CCDC158: variants seen among roughly 807,000 people sequenced by gnomAD.
The protein encoded by CCDC158 is coiled-coil domain containing 158.
In CCDC158, 116 loss-of-function variants were observed where a neutral mutation model predicts 138.6. The ratio of observed to expected loss-of-function variants is 0.84; its 90% CI spans 0.72 to 0.98. The LOEUF (loss-of-function observed/expected upper bound fraction) is 0.98. Ranked by LOEUF, CCDC158 falls within the 50% of genes least tolerant of loss-of-function variation. The pLI is 0.00. For synonymous variants in CCDC158, 436 were observed against 442.4 expected, an observed-to-expected ratio of 0.99 and a Z score of 0.18; for missense variants, 1,265 against 1,306.1, an observed-to-expected ratio of 0.97 and a Z score of 0.48.
intron 1 of CCDC158, among the ~76,000 whole-genome samples, chr4:76,420,061 A>G (rs1389226672): frequency 2.0e-5 from 3 of 151,646 alleles, no homozygotes; most frequent in Non-Finnish European, 4.4e-5. Flanking sequence ...ACTCTATGGC[A>G]TGGAAACCAT....
At position 76,367,550 on chromosome 4, in the gene CCDC158, C is replaced by T. The variant is rs753451426; in HGVS notation, c.1574G>A (p.Arg525Gln). The part of the protein sequence containing the change: ...TNAEITKLRS[R>Q]VDLKLQELQH... ...CAGCTCCTGCAATTTCAAGTCCACC[C>T]GGGAGCGGAGCTTTGTGATCTCTGC... The change falls in exon 12 of 25, where the codon CGG becomes CAG. Residue 525 changes from arginine (R) to glutamine (Q), a missense_variant. Physicochemically the swap from Arg to Gln is conservative, Grantham distance 43. Coordinates refer to ENST00000682701, the MANE Select transcript of CCDC158 (RefSeq NM_001394954.1). The T allele has an allele frequency of 2.6e-5, 42 of 1,614,222 alleles. 1 individual carries two copies. The Middle Eastern group carries it at 4.9e-4, about 19-fold the overall frequency.
At position 76,371,516 on chromosome 4, in the gene CCDC158, C is replaced by G; in HGVS notation, c.1050G>C (p.Gln350His). 1 of 1,614,152 alleles carries G rather than the reference C, an allele frequency of 6.2e-7. No individual in the cohort carries two copies. The highest frequency in any genetic ancestry group is 8.5e-7 in the Non-Finnish European group (1 of 1,180,010). ...TTAGCTCTGAGTTGGCAAGGACTAA[C>G]TGCTTTTCCAGCTCTTCTGTCTGAA... ...YEDKTEELEK[Q>H]LVLANSELTE... Residue 350 changes from glutamine (Q) to histidine (H), a missense_variant, in exon 10 of 25, where the codon CAG becomes CAC. Physicochemically the swap from Gln to His is conservative, Grantham distance 24 (BLOSUM62 0). Coordinates refer to ENST00000682701, the MANE Select transcript of CCDC158 (RefSeq NM_001394954.1).
At chr4:76,338,908 T>A (rs1209849968) in intron 18 of CCDC158, among the ~76,000 whole-genome samples, 8 of 152,136 alleles carry the variant, frequency 5.3e-5, no homozygotes, top group Admixed American at 5.2e-4. Flanking sequence ...GACCCAATGA[T>A]GAGACAGCAG....
At chr4:76,330,982 C>G (rs1375988611) in intron 21 of CCDC158, among the ~76,000 whole-genome samples, 3 of 152,120 alleles carry the variant, frequency 2.0e-5, no homozygotes, top group Non-Finnish European at 4.4e-5. Flanking sequence ...TGAATGGCTA[C>G]TAGGTGGCAG....
chr4:76,363,413 C>T (rs953410351), intron 12 of CCDC158, among the ~76,000 whole-genome samples: 2 of 152,120 alleles, frequency 1.3e-5, no homozygotes, highest in Non-Finnish European at 2.9e-5. Context: ...GCTTTGTATC[C>T]TTTCACTGTA....
intron 24 of CCDC158, among the ~76,000 whole-genome samples, chr4:76,322,392 C>T (rs992343741): frequency 6.6e-6 from 1 of 152,060 alleles, no homozygotes; most frequent in Non-Finnish European, 1.5e-5. Flanking sequence ...CTTCAGTTTC[C>T]TCATTTTCAA....
chr4:76,403,763 C>G (rs1487161029), intron 2 of CCDC158, among the ~76,000 whole-genome samples: 1 of 152,116 alleles, frequency 6.6e-6, no homozygotes, highest in African/African-American at 2.4e-5. Flanking sequence ...TAAAATCAAC[C>G]AGGCACTCCA....
chr4:76,401,544 G>C (rs542455245), intron 3 of CCDC158: 2 of 175,084 alleles, frequency 1.1e-5, no homozygotes, highest in South Asian at 2.6e-4. Flanking sequence ...GATATGAAGA[G>C]AAACGGCCAA....
intron 1 of CCDC158, among the ~76,000 whole-genome samples, chr4:76,413,690 T>C (rs1224628200): frequency 6.6e-6 from 1 of 152,136 alleles, no homozygotes; most frequent in Non-Finnish European, 1.5e-5. Context: ...CTGCCACTGG[T>C]ATTCTTTCTT....
chr4:76,373,648 T>G (rs772202441), intron 9 of CCDC158, among the ~76,000 whole-genome samples: 141 of 152,248 alleles, frequency 9.3e-4, no homozygotes, highest in Non-Finnish European at 1.9e-3. Context: ...ATAATAATCA[T>G]AAGGAATAGA....
intron 24 of CCDC158, among the ~76,000 whole-genome samples, chr4:76,322,967 T>C (rs932023): frequency 0.62 from 93,581 of 151,926 alleles, 29,222 homozygotes; most frequent in East Asian, 0.78. Context: ...TGTATAAATG[T>C]TTATCTATAG....
At chr4:76,345,022 T>C in intron 18 of CCDC158, 1 of 1,377,896 alleles carries the variant, frequency 7.3e-7, no homozygotes, top group Admixed American at 1.7e-5. Context: ...AGAACTTCCT[T>C]ACTAATTATT....
At chr4:76,396,861 T>C (rs1727868470) in intron 3 of CCDC158, among the ~76,000 whole-genome samples, 2 of 152,050 alleles carry the variant, frequency 1.3e-5, no homozygotes, top group Non-Finnish European at 2.9e-5. Context: ...TAAAATAATT[T>C]TGTGCACACT....
intron 18 of CCDC158, chr4:76,345,167 G>C: frequency 9.9e-7 from 1 of 1,014,494 alleles, no homozygotes; most frequent in South Asian, 1.3e-5. Flanking sequence ...TCATCAAAAA[G>C]TACCTATTGA....
At chr4:76,352,788 C>A (rs560054526) in intron 16 of CCDC158, 1 of 187,490 alleles carries the variant, frequency 5.3e-6, no homozygotes, top group East Asian at 1.4e-4. Context: ...ACCCAAGTCA[C>A]TTTTTGGTGG....
At chr4:76,322,918 C>T (rs757559002) in intron 24 of CCDC158, among the ~76,000 whole-genome samples, 4 of 152,120 alleles carry the variant, frequency 2.6e-5, no homozygotes, top group Non-Finnish European at 5.9e-5. Context: ...CATTATTTTG[C>T]TTTCTTGCTA....
Position 76,384,122 on chromosome 4 carries a change from G to A in CCDC158, c.692C>T (p.Thr231Ile), listed in dbSNP as rs761251052. 9.9e-6 allele frequency: 16 copies of A among 1,610,110 alleles called. No homozygotes were observed. Among genetic ancestry groups the A allele is most frequent in the Non-Finnish European group, 1.4e-5 (16 of 1,177,254 alleles). ...AISKILRELD[T>I]EISYLKGRIF... ...CCTCCCTTTAAGATAAGAAATCTCT[G>A]TGTCTAATTCTCTTAGTATTTTACT... The change falls in exon 6 of 25, where the codon ACA becomes ATA. Residue 231 changes from threonine to isoleucine, a missense_variant. Coordinates refer to ENST00000682701, the MANE Select transcript of CCDC158 (RefSeq NM_001394954.1).
At chr4:76,402,687 G>A (rs1373959531) in intron 3 of CCDC158, among the ~76,000 whole-genome samples, 1 of 150,744 alleles carries the variant, frequency 6.6e-6, no homozygotes, top group South Asian at 2.1e-4. Context: ...CAGAGGTGAT[G>A]GGGGCCTGAA....
At chr4:76,338,447 G>C (rs1721747927) in intron 18 of CCDC158, among the ~76,000 whole-genome samples, 1 of 152,206 alleles carries the variant, frequency 6.6e-6, no homozygotes, top group Non-Finnish European at 1.5e-5. Context: ...GGGAGGCAGA[G>C]GTTGTGGTGG....
Sources: allele counts gnomAD v4.1 joint callset (sites outside exome capture counted in the v4.1 genomes callset), GRCh38; gene constraint gnomAD v4.1.1; transcripts MANE v1.5; gene names NCBI Gene and HGNC (gene_info 2026-07-23, HGNC 2026-07-21).